Variants in TMEM163 observed in about 807,000 individuals in gnomAD.
TMEM163 encodes transmembrane protein 163.
Under a neutral mutation model 29.3 loss-of-function variants are expected in TMEM163, and 17 were observed. That is an observed-to-expected ratio of 0.58 (90% CI 0.40 to 0.87). The LOEUF (loss-of-function observed/expected upper bound fraction) is 0.87. TMEM163 is among the 40% of genes least tolerant of loss of function. TMEM163 has a pLI of 0.00. For synonymous variants in TMEM163, 157 were observed against 160.6 expected (o/e 0.98, Z 0.17); for missense variants, 303 against 381.5 (o/e 0.79, Z 1.71).
chr2:134,705,787 G>A (rs1377121753), intron 2 of TMEM163, among the ~76,000 whole-genome samples: 1 of 152,170 alleles, frequency 6.6e-6, no homozygotes, highest in Non-Finnish European at 1.5e-5. Flanking sequence ...TCACCCAGCT[G>A]CTTAACAAAT....
chr2:134,633,990 T>C (rs868237430), intron 2 of TMEM163, among the ~76,000 whole-genome samples: 2 of 21,872 alleles, frequency 9.1e-5, no homozygotes, highest in African/African-American at 8.0e-4. Context: ...TATATATATA[T>C]ATATATATAT....
At chr2:134,497,002 C>T (rs1022900116) in intron 5 of TMEM163, among the ~76,000 whole-genome samples, 1 of 152,158 alleles carries the variant, frequency 6.6e-6, no homozygotes, top group Admixed American at 6.5e-5. Flanking sequence ...TGCCCACAAC[C>T]ACCCTTCCTT....
intron 2 of TMEM163, among the ~76,000 whole-genome samples, chr2:134,693,333 G>A (rs558006417): frequency 3.9e-5 from 6 of 152,220 alleles, no homozygotes; most frequent in South Asian, 4.2e-4. Flanking sequence ...CTTTCCAGAC[G>A]TGGTGGCTCA....
intron 2 of TMEM163, among the ~76,000 whole-genome samples, chr2:134,653,072 G>C (rs1198272686): frequency 7.9e-6 from 1 of 126,986 alleles, no homozygotes; most frequent in Non-Finnish European, 1.6e-5. Flanking sequence ...AAATGAGTTA[G>C]GGAGGATTCC....
intron 2 of TMEM163, among the ~76,000 whole-genome samples, chr2:134,557,321 T>C (rs920572808): frequency 6.6e-6 from 1 of 152,112 alleles, no homozygotes; most frequent in African/African-American, 2.4e-5. Flanking sequence ...AATATTTGAG[T>C]GGGTTTCTTT....
At chr2:134,572,134 A>C (rs971123394) in intron 2 of TMEM163, among the ~76,000 whole-genome samples, 1 of 152,206 alleles carries the variant, frequency 6.6e-6, no homozygotes, top group African/African-American at 2.4e-5. Flanking sequence ...CATGAAAAAG[A>C]GAACTGAGCC....
intron 4 of TMEM163, among the ~76,000 whole-genome samples, chr2:134,533,406 A>G (rs992063509): frequency 1.1e-4 from 17 of 152,182 alleles, no homozygotes; most frequent in Admixed American, 7.2e-4. Flanking sequence ...ATCACACTTT[A>G]TTTGCAAAGT....
chr2:134,502,585 T>C (rs561138694), intron 5 of TMEM163, among the ~76,000 whole-genome samples: 1 of 152,248 alleles, frequency 6.6e-6, no homozygotes, highest in Non-Finnish European at 1.5e-5. Context: ...ACAACACAGA[T>C]TGGATCACTC....
intron 5 of TMEM163, among the ~76,000 whole-genome samples, chr2:134,495,561 C>T (rs147696329): frequency 1.2e-3 from 186 of 152,326 alleles, no homozygotes; most frequent in African/African-American, 4.3e-3. Context: ...TCACAGTCAC[C>T]TCCACAGGTG....
At chr2:134,707,920 A>G (rs1684853711) in intron 2 of TMEM163, among the ~76,000 whole-genome samples, 1 of 144,030 alleles carries the variant, frequency 6.9e-6, no homozygotes. Flanking sequence ...TTTTTTTGAG[A>G]CATAGTCTCC....
chr2:134,647,874 G>A (rs1683369164), intron 2 of TMEM163, among the ~76,000 whole-genome samples: 1 of 152,194 alleles, frequency 6.6e-6, no homozygotes, highest in Non-Finnish European at 1.5e-5. Flanking sequence ...ATGCTGGCAG[G>A]AGCAAAACTC....
intron 6 of TMEM163, among the ~76,000 whole-genome samples, chr2:134,462,735 G>C (rs1241978560): frequency 6.6e-6 from 1 of 152,230 alleles, no homozygotes; most frequent in Non-Finnish European, 1.5e-5. Flanking sequence ...ATGAAAGCCA[G>C]AACAGTGAAG....
chr2:134,616,100 T>G (rs996769715), intron 2 of TMEM163, among the ~76,000 whole-genome samples: 23 of 152,156 alleles, frequency 1.5e-4, no homozygotes, highest in African/African-American at 5.3e-4. Context: ...GAGATGGAAG[T>G]GGTCAAGTCA....
At chr2:134,461,619 A>C (rs926643564) in intron 6 of TMEM163, among the ~76,000 whole-genome samples, 1 of 152,226 alleles carries the variant, frequency 6.6e-6, no homozygotes, top group Non-Finnish European at 1.5e-5. Flanking sequence ...ACCAGATCAG[A>C]CCAGATTCAC....
chr2:134,466,266 C>G, intron 5 of TMEM163, 41 bp from the exon 6 acceptor site: 2 of 1,541,034 alleles, frequency 1.3e-6, no homozygotes, highest in Non-Finnish European at 1.8e-6. Flanking sequence ...TCACCTCCTG[C>G]TGGAGCAGAT....
intron 3 of TMEM163, 94 bp downstream of exon 3, chr2:134,551,954 C>T (rs1680939883): frequency 4.1e-6 from 4 of 981,080 alleles, no homozygotes; most frequent in South Asian, 2.8e-5. Flanking sequence ...AGCTCTCATA[C>T]ACTAACCACC....
chr2:134,626,749 T>C (rs943465147), intron 2 of TMEM163, among the ~76,000 whole-genome samples: 16 of 152,252 alleles, frequency 1.1e-4, no homozygotes, highest in African/African-American at 3.6e-4. Context: ...TGAATTTTAA[T>C]ATATGCTTAG....
At chr2:134,495,042 G>A (rs928348609) in intron 5 of TMEM163, among the ~76,000 whole-genome samples, 16 of 152,222 alleles carry the variant, frequency 1.1e-4, no homozygotes, top group Admixed American at 3.9e-4. Flanking sequence ...AAGGGTTGCC[G>A]TGAAGAATCT....
intron 2 of TMEM163, among the ~76,000 whole-genome samples, chr2:134,677,966 G>A (rs1036869507): frequency 6.6e-6 from 1 of 152,164 alleles, no homozygotes; most frequent in African/African-American, 2.4e-5. Context: ...CCACGTTCCA[G>A]TAAGCCCACC....
Sources: allele counts gnomAD v4.1 joint callset (sites outside exome capture counted in the v4.1 genomes callset), GRCh38; gene constraint gnomAD v4.1.1; transcripts MANE v1.5; gene names NCBI Gene and HGNC (gene_info 2026-07-23, HGNC 2026-07-21).